BRINP1: variants seen among roughly 807,000 people sequenced by gnomAD.
BRINP1 encodes BMP/retinoic acid inducible neural specific 1.
A neutral mutation model predicts 72.9 loss-of-function variants in BRINP1; 17 were observed. That is an observed-to-expected ratio of 0.23 (90% CI 0.16 to 0.35). The LOEUF is 0.35. Ranked by LOEUF, BRINP1 falls within the 10% of genes least tolerant of loss-of-function variation. The pLI, the probability that BRINP1 is intolerant of heterozygous loss-of-function variation, is 1.00. For missense variants in BRINP1, 850 were observed against 1,001.6 expected (o/e 0.85, Z 2.04); for synonymous variants, 418 against 378.5 (o/e 1.10, Z -1.21).
intron 7 of BRINP1, among the ~76,000 whole-genome samples, 156 bp from the exon 8 acceptor site, chr9:119,168,380 G>A (rs1443962708): frequency 1.3e-5 from 2 of 152,206 alleles, no homozygotes; most frequent in African/African-American, 4.8e-5. Context: ...ATAAACGTAA[G>A]AACTACATTG....
chr9:119,304,081 T>C (rs1158602518), intron 2 of BRINP1, among the ~76,000 whole-genome samples: 3 of 151,996 alleles, frequency 2.0e-5, no homozygotes, highest in Admixed American at 1.3e-4. Flanking sequence ...AGTTTCACCA[T>C]GTTGGCCAGT....
intron 1 of BRINP1, among the ~76,000 whole-genome samples, chr9:119,337,839 G>A (rs1831362809): frequency 6.6e-6 from 1 of 152,170 alleles, no homozygotes; most frequent in East Asian, 1.9e-4. Context: ...ATAGCTTGGA[G>A]GGAATATAAG....
At chr9:119,339,433 A>T (rs1831386196) in intron 1 of BRINP1, among the ~76,000 whole-genome samples, 1 of 152,254 alleles carries the variant, frequency 6.6e-6, no homozygotes, top group African/African-American at 2.4e-5. Flanking sequence ...CTGGAATATC[A>T]GCATCAAGAG....
chr9:119,221,815 G>A (rs1830043760), intron 5 of BRINP1, among the ~76,000 whole-genome samples: 1 of 152,042 alleles, frequency 6.6e-6, no homozygotes, highest in South Asian at 2.1e-4. Flanking sequence ...ACGTTTCAAA[G>A]GATGAAGCAG....
At chr9:119,172,787 T>C (rs191480517) in intron 7 of BRINP1, among the ~76,000 whole-genome samples, 7 of 152,122 alleles carry the variant, frequency 4.6e-5, no homozygotes, top group Admixed American at 4.6e-4. Flanking sequence ...TCCACCACGA[T>C]CAAGTGGGCT....
At chr9:119,190,858 C>T (rs1320695586) in intron 7 of BRINP1, among the ~76,000 whole-genome samples, 1 of 151,926 alleles carries the variant, frequency 6.6e-6, no homozygotes, top group Non-Finnish European at 1.5e-5. Context: ...AAAAAGAAAA[C>T]TACAGGCCAA....
intron 3 of BRINP1, among the ~76,000 whole-genome samples, chr9:119,243,227 C>T (rs531127579): frequency 2.0e-5 from 3 of 152,236 alleles, no homozygotes; most frequent in South Asian, 4.1e-4. Context: ...ACCCCTCTGA[C>T]AGGACCCAGT....
chr9:119,268,651 G>A (rs1830578098), intron 2 of BRINP1, among the ~76,000 whole-genome samples: 1 of 152,128 alleles, frequency 6.6e-6, no homozygotes, highest in Non-Finnish European at 1.5e-5. Flanking sequence ...TTATTCATTT[G>A]TTTACACCTT....
At chr9:119,174,662 G>A (rs1194308411) in intron 7 of BRINP1, among the ~76,000 whole-genome samples, 1 of 149,838 alleles carries the variant, frequency 6.7e-6, no homozygotes, top group East Asian at 2.0e-4. Flanking sequence ...AAAGACACAT[G>A]CACACGTATG....
rs144268263 is a variant in BRINP1 at position 119,167,802 on chromosome 9, C to T, written c.1568G>A (p.Arg523His). ...GTTGCTCTTGAGAGTGAGGGACATG[C>T]GCTTGCGCCACCGAGGGTCAAAGAA... ...DTFFDPRWRKRMSLTLKSNKN... is the reference protein window; with the variant it reads ...DTFFDPRWRKHMSLTLKSNKN... Residue 523 changes from arginine to histidine, a missense_variant, in exon 8 of 8, where the codon CGC becomes CAC. Coordinates refer to ENST00000265922, the MANE Select transcript of BRINP1 (RefSeq NM_014618.3). The surrounding 1 kb of genome is among the most constrained non-coding windows in gnomAD (Gnocchi z 4.3). 8 of 1,613,706 alleles carry T rather than the reference C, an allele frequency of 5.0e-6. No homozygotes were observed. The highest frequency in any genetic ancestry group is 2.2e-5 in the East Asian group (1 of 44,830).
intron 1 of BRINP1, among the ~76,000 whole-genome samples, chr9:119,321,157 T>C (rs565197491): frequency 2.2e-4 from 33 of 152,156 alleles, no homozygotes; most frequent in Non-Finnish European, 4.0e-4. Flanking sequence ...GGTCTCGATC[T>C]CCAGACCTCG....
At chr9:119,298,177 C>A (rs1287406128) in intron 2 of BRINP1, among the ~76,000 whole-genome samples, 1 of 152,158 alleles carries the variant, frequency 6.6e-6, no homozygotes, top group African/African-American at 2.4e-5. Context: ...TATTAGGTAC[C>A]AAAGCACTAT....
intron 2 of BRINP1, among the ~76,000 whole-genome samples, chr9:119,275,536 C>T (rs1463116680): frequency 6.6e-6 from 1 of 152,146 alleles, no homozygotes; most frequent in Non-Finnish European, 1.5e-5. Flanking sequence ...GTTTCATGTA[C>T]AGTCTTAACA....
chr9:119,262,814 T>C lies in BRINP1; in HGVS notation c.219-13664A>G, dbSNP rs75712134. ...CTTTACTCATCTGTAAAATGAACAG[T>C]TGGAGTGGATTAGTGGCCTTCATGC... is the stretch of plus-strand genomic sequence containing the variant. On this transcript the variant is annotated intron_variant, in intron 2 of 7. Transcript: ENST00000265922. Among the ~76,000 whole-genome samples the C allele has an allele frequency of 5.3e-4, 80 of 152,254 alleles. No individual in the cohort carries two copies. In the East Asian group the frequency reaches 0.014, roughly 27 times the overall value.
In BRINP1 at chr9:119,208,783, G is replaced by C. The variant is rs146310694; in HGVS notation, c.1081C>G (p.Arg361Gly). 823 of 1,614,106 alleles carry C rather than the reference G, an allele frequency of 5.1e-4. 8 individuals carry two copies. The South Asian group carries it at 6.1e-3, about 12-fold the overall frequency. Reference sequence around the variant, plus strand: ...CGTACACTGAGGCCGAAAAGCTTGCGGGCAGTGCGTTGGATCTTTTGTCTC... The same window carrying C: ...CGTACACTGAGGCCGAAAAGCTTGCCGGCAGTGCGTTGGATCTTTTGTCTC... ...AQRQKIQRTA[R>G]KLFGLSVRCR... The change falls in exon 7 of 8, where the codon CGC becomes GGC. Residue 361 changes from arginine (R) to glycine (G), a missense_variant. Coordinates refer to ENST00000265922, the MANE Select transcript of BRINP1 (RefSeq NM_014618.3).
At chr9:119,200,162 A>C (rs186542916) in intron 7 of BRINP1, among the ~76,000 whole-genome samples, 1 of 152,358 alleles carries the variant, frequency 6.6e-6, no homozygotes, top group East Asian at 1.9e-4. Context: ...TCGGAGAAGC[A>C]AATAATCTAT....
At chr9:119,236,658 G>A (rs1200754478) in intron 5 of BRINP1, among the ~76,000 whole-genome samples, 1 of 152,120 alleles carries the variant, frequency 6.6e-6, no homozygotes, top group African/African-American at 2.4e-5. Context: ...TTCAAATCCT[G>A]GCTCCCACTT....
intron 7 of BRINP1, among the ~76,000 whole-genome samples, chr9:119,198,348 T>C (rs1829762987): frequency 1.3e-5 from 2 of 152,338 alleles, no homozygotes; most frequent in Admixed American, 6.5e-5. Context: ...CTGTGTTCTA[T>C]TATTGGCTTT....
chr9:119,218,701 C>A (rs1830006858), intron 5 of BRINP1, among the ~76,000 whole-genome samples: 1 of 150,340 alleles, frequency 6.7e-6, no homozygotes, highest in Non-Finnish European at 1.5e-5. Context: ...GGCTCCAGCA[C>A]AGTTGAGACC....
Sources: allele counts gnomAD v4.1 joint callset (sites outside exome capture counted in the v4.1 genomes callset), GRCh38; gene constraint gnomAD v4.1.1; non-coding constraint Gnocchi (gnomAD v3.1); transcripts MANE v1.5; gene names NCBI Gene and HGNC (gene_info 2026-07-23, HGNC 2026-07-21).